The following RAI1 variants were observed in gnomAD, a reference collection of about 807,000 sequenced individuals.
RAI1 encodes retinoic acid induced 1, also known as retinoic acid-induced protein 1.
RAI1 carries 9 observed loss-of-function variants against 123.8 expected under a neutral mutation model. The observed-to-expected ratio is 0.07, with a 90% CI of 0.04 to 0.13. The LOEUF is 0.13. RAI1 is among the 10% of genes least tolerant of loss of function. The pLI, the probability that RAI1 is intolerant of heterozygous loss-of-function variation, is 1.00. For synonymous variants in RAI1, 1,231 were observed against 1,127.3 expected, an observed-to-expected ratio of 1.09 and a Z score of -1.84; for missense variants, 2,256 against 2,545.8, an observed-to-expected ratio of 0.89 and a Z score of 2.45.
Position 17,795,510 on chromosome 17 carries a change from A to G in RAI1, c.2562A>G (p.Pro854=). 6.3e-7 allele frequency: 1 copy of G among 1,591,900 alleles called. No individual in the cohort carries two copies. The highest frequency in any genetic ancestry group is 8.6e-7 in the Non-Finnish European group (1 of 1,169,294). ...CCACCGCCGACTTCGGGGACCTCCC[A>G]CTGCTGCCACCCACCAGCAGGAAGG... The part of the protein sequence containing the change: ...CCSTADFGDL[P]LLPPTSRKED... Residue 854 remains proline, a synonymous_variant, in exon 3 of 6, where the codon CCA becomes CCG. Transcript: ENST00000353383. The surrounding 1 kb of genome is among the most constrained non-coding windows in gnomAD (Gnocchi z 5.9).
rs773438062 is a variant in RAI1 at position 17,793,354 on chromosome 17, G to A, written c.406G>A (p.Ala136Thr). Residue 136 changes from alanine (A) to threonine (T), a missense_variant, in exon 3 of 6, where the codon GCA (alanine) becomes ACA (threonine). Coordinates refer to ENST00000353383, the MANE Select transcript of RAI1 (RefSeq NM_030665.4). ...ACCCCCACAGCCGCAGCCACTACCT[G>A]CAGGGGTGGCCAAGTATGATGAGAA... ...PPPPQPQPLPAGVAKYDENLM... is the reference protein window; with the variant it reads ...PPPPQPQPLPTGVAKYDENLM... 5 of 1,613,018 alleles carry A rather than the reference G, an allele frequency of 3.1e-6. No homozygotes were observed. Among genetic ancestry groups the A allele is most frequent in the Non-Finnish European group, 3.4e-6 (4 of 1,179,854 alleles).
At chr17:17,768,083 C>T (rs79653150) in intron 2 of RAI1, among the ~76,000 whole-genome samples, 1 of 152,180 alleles carries the variant, frequency 6.6e-6, no homozygotes, top group Non-Finnish European at 1.5e-5. Flanking sequence ...TGTTGCTACC[C>T]TGAGGATTGC....
At chr17:17,697,350 G>GC (rs1425112014) in intron 1 of RAI1, among the ~76,000 whole-genome samples, 5 of 152,222 alleles carry the variant, frequency 3.3e-5, no homozygotes. Flanking sequence ...GTGTGGCATG[G>GC]GCACGCCATG....
At chr17:17,757,192 C>T (rs2030472394) in intron 2 of RAI1, among the ~76,000 whole-genome samples, 1 of 152,174 alleles carries the variant, frequency 6.6e-6, no homozygotes, top group Non-Finnish European at 1.5e-5. Flanking sequence ...TAAGTGGGGA[C>T]AGCTGTGGAG....
intron 2 of RAI1, among the ~76,000 whole-genome samples, chr17:17,753,259 C>A (rs143656748): frequency 6.6e-6 from 1 of 152,322 alleles, no homozygotes; most frequent in Non-Finnish European, 1.5e-5. Context: ...GAGGGCTGCT[C>A]AGGACCCCTG....
At position 17,796,133 on chromosome 17, in the gene RAI1, C is replaced by G; in HGVS notation, c.3185C>G (p.Ala1062Gly). 1 of 1,579,170 alleles carries G rather than the reference C, an allele frequency of 6.3e-7. No individual in the cohort carries two copies. The highest frequency in any genetic ancestry group is 8.6e-7 in the Non-Finnish European group (1 of 1,161,274). Residue 1062 changes from alanine (A) to glycine (G), a missense_variant, in exon 3 of 6, where the codon GCC (alanine) becomes GGC (glycine). Physicochemically the swap from Ala to Gly is moderately conservative, Grantham distance 60. Transcript: ENST00000353383. This position sits in a 1 kb window ranked among gnomAD's most constrained non-coding sequence, Gnocchi z 5.8. Reference protein sequence around the residue: ...LPRMCTRSLTALSEPRTPGPP... With the variant: ...LPRMCTRSLTGLSEPRTPGPP... ...AGGATGTGTACTCGTTCTCTCACGG[C>G]CCTGAGTGAGCCCCGCACGCCCGGA...
chr17:17,728,120 G>T (rs754759330), intron 2 of RAI1, among the ~76,000 whole-genome samples: 1 of 151,986 alleles, frequency 6.6e-6, no homozygotes, highest in Non-Finnish European at 1.5e-5. Context: ...TGCATTTCTG[G>T]GGGGAAGGGA....
intron 2 of RAI1, among the ~76,000 whole-genome samples, chr17:17,761,596 T>C (rs1378881800): frequency 1.3e-5 from 2 of 152,108 alleles, no homozygotes; most frequent in African/African-American, 2.4e-5. Flanking sequence ...ATCCCTGAAC[T>C]AGTGACAAGG....
intron 1 of RAI1, among the ~76,000 whole-genome samples, chr17:17,716,395 C>T: frequency 6.6e-6 from 1 of 152,232 alleles, no homozygotes; most frequent in African/African-American, 2.4e-5. Flanking sequence ...TATATGTATA[C>T]ATGTGTATAT....
intron 2 of RAI1, among the ~76,000 whole-genome samples, chr17:17,773,935 T>A (rs999505635): frequency 3.9e-5 from 6 of 152,120 alleles, no homozygotes; most frequent in Admixed American, 6.5e-5. Flanking sequence ...AATTTGTATA[T>A]TTATATATAA....
chr17:17,741,146 C>T (rs1916621610), intron 2 of RAI1, among the ~76,000 whole-genome samples: 1 of 151,700 alleles, frequency 6.6e-6, no homozygotes, highest in East Asian at 1.9e-4. Flanking sequence ...CACACTCACA[C>T]ACTTAAGCGC....
chr17:17,725,179 G>A (rs1916043121), intron 2 of RAI1, among the ~76,000 whole-genome samples: 1 of 152,134 alleles, frequency 6.6e-6, no homozygotes, highest in Non-Finnish European at 1.5e-5. Context: ...GTTCGCGGCC[G>A]GGGGTCGTGG....
chr17:17,712,005 C>T (rs904894447), intron 1 of RAI1, among the ~76,000 whole-genome samples: 3 of 152,254 alleles, frequency 2.0e-5, no homozygotes, highest in Admixed American at 6.5e-5. Context: ...TTTATGTGAA[C>T]TCTCCTGATT....
At chr17:17,726,894 G>T (rs937979154) in intron 2 of RAI1, among the ~76,000 whole-genome samples, 1 of 151,944 alleles carries the variant, frequency 6.6e-6, no homozygotes, top group East Asian at 1.9e-4. Flanking sequence ...TTGCTTTGCC[G>T]GCATAATGTG....
intron 2 of RAI1, among the ~76,000 whole-genome samples, chr17:17,755,773 TC>T (rs1327535571): frequency 2.6e-5 from 4 of 152,104 alleles, no homozygotes; most frequent in Non-Finnish European, 5.9e-5. Flanking sequence ...GCCCAGCTCC[TC>T]CCCTGGCACC....
intron 2 of RAI1, among the ~76,000 whole-genome samples, chr17:17,741,271 G>C (rs1916626707): frequency 6.6e-6 from 1 of 152,210 alleles, no homozygotes; most frequent in South Asian, 2.1e-4. Flanking sequence ...AAGGAAAAGA[G>C]AAAAAGAGAG....
chr17:17,761,043 A>G (rs1463792397), intron 2 of RAI1, among the ~76,000 whole-genome samples: 2 of 152,226 alleles, frequency 1.3e-5, no homozygotes, highest in Admixed American at 6.5e-5. Flanking sequence ...CCTGGGTTCA[A>G]GCCCCAGCTC....
At chr17:17,764,472 CT>C (rs60189169) in intron 2 of RAI1, among the ~76,000 whole-genome samples, 1,624 of 134,312 alleles carry the variant, frequency 0.012, 9 homozygotes, top group Middle Eastern at 0.027. Context: ...TTCTTTTCCT[CT>C]TTTTTTTTTT....
chr17:17,686,168 G>A (rs1914625900), intron 1 of RAI1, among the ~76,000 whole-genome samples: 1 of 152,252 alleles, frequency 6.6e-6, no homozygotes, highest in African/African-American at 2.4e-5. Flanking sequence ...GCTCAGAAAT[G>A]CTTCCTGGCA....
Sources: gnomAD v4.1 joint callset for allele counts (sites outside exome capture counted in the v4.1 genomes callset) on GRCh38, gnomAD v4.1.1 for gene constraint, Gnocchi (gnomAD v3.1) non-coding constraint, MANE v1.5 for transcripts, NCBI Gene and HGNC (gene_info 2026-07-23, HGNC 2026-07-21) for gene names.